Variants in FAR2 observed in about 807,000 individuals in gnomAD.
The protein encoded by FAR2 is epididymis secretory protein Li 81.
A neutral mutation model predicts 56.0 loss-of-function variants in FAR2; 19 were observed. The observed-to-expected ratio is 0.34, with a 90% CI of 0.24 to 0.50. The LOEUF (loss-of-function observed/expected upper bound fraction) is 0.50, where lower values mean the gene tolerates loss of function less well. Ranked by LOEUF, FAR2 falls within the 20% of genes least tolerant of loss-of-function variation. The probability of loss-of-function intolerance (pLI) is 0.98; values close to 1 mark genes in which losing one functional copy is unlikely to be tolerated. For synonymous variants in FAR2, 219 were observed against 218.8 expected (o/e 1.00, Z -0.01); for missense variants, 508 against 642.2 (o/e 0.79, Z 2.26).
intron 3 of FAR2, among the ~76,000 whole-genome samples, chr12:29,293,762 T>C (rs7966961): frequency 0.066 from 9,994 of 152,220 alleles, 1,026 homozygotes; most frequent in African/African-American, 0.22. Context: ...ATTATATTTT[T>C]TGATATCTAT....
intron 1 of FAR2, among the ~76,000 whole-genome samples, chr12:29,180,750 T>TATCC (rs1209323817): frequency 5.9e-5 from 9 of 151,996 alleles, no homozygotes; most frequent in Admixed American, 5.9e-4. Context: ...TCTATCTATC[T>TATCC]ATCTATCTAT....
At chr12:29,273,035 A>T (rs745637591) in intron 2 of FAR2, among the ~76,000 whole-genome samples, 2 of 151,960 alleles carry the variant, frequency 1.3e-5, no homozygotes, top group Non-Finnish European at 2.9e-5. Context: ...GGGACCTCTG[A>T]CCTCGAGGGG....
At chr12:29,215,732 A>G (rs184821076) in intron 1 of FAR2, among the ~76,000 whole-genome samples, 120 of 152,358 alleles carry the variant, frequency 7.9e-4, no homozygotes, top group African/African-American at 2.7e-3. Flanking sequence ...ACCAAGGCCT[A>G]TCTTAGACAC....
At chr12:29,246,157 C>T (rs762161497) in intron 1 of FAR2, among the ~76,000 whole-genome samples, 16 of 151,848 alleles carry the variant, frequency 1.1e-4, no homozygotes, top group Non-Finnish European at 2.2e-4. Context: ...TGAGATCTAA[C>T]CCTTTCATGC....
chr12:29,161,675 T>C (rs551022829), intron 1 of FAR2, among the ~76,000 whole-genome samples: 1 of 152,374 alleles, frequency 6.6e-6, no homozygotes, highest in East Asian at 1.9e-4. Context: ...GAAATTGCTT[T>C]ATGCAAAGAG....
chr12:29,210,036 T>G (rs1020273272), intron 1 of FAR2, among the ~76,000 whole-genome samples: 6 of 151,968 alleles, frequency 3.9e-5, no homozygotes, highest in African/African-American at 1.5e-4. Flanking sequence ...AGGAGACCTC[T>G]GTCTCTATAA....
At chr12:29,204,584 A>G (rs545705423) in intron 1 of FAR2, among the ~76,000 whole-genome samples, 1 of 152,274 alleles carries the variant, frequency 6.6e-6, no homozygotes, top group African/African-American at 2.4e-5. Flanking sequence ...TCTTAGTCCA[A>G]TCTTGCACTG....
At chr12:29,327,091 T>C (rs1360145156) in intron 10 of FAR2, among the ~76,000 whole-genome samples, 1 of 152,014 alleles carries the variant, frequency 6.6e-6, no homozygotes, top group Non-Finnish European at 1.5e-5. Flanking sequence ...AAATCACAAG[T>C]ATACCTATAC....
At chr12:29,266,794 A>C (rs1013491102) in intron 1 of FAR2, among the ~76,000 whole-genome samples, 4 of 152,118 alleles carry the variant, frequency 2.6e-5, no homozygotes, top group African/African-American at 4.8e-5. Context: ...TACCAGCAAA[A>C]ATGTAAACAC....
At chr12:29,269,762 C>A (rs1948582758) in intron 1 of FAR2, among the ~76,000 whole-genome samples, 1 of 152,240 alleles carries the variant, frequency 6.6e-6, no homozygotes, top group Non-Finnish European at 1.5e-5. Context: ...CTTCCCGCAA[C>A]AATTATTTAT....
intron 1 of FAR2, among the ~76,000 whole-genome samples, chr12:29,185,692 C>T (rs1439519009): frequency 6.6e-6 from 1 of 152,212 alleles, no homozygotes; most frequent in Non-Finnish European, 1.5e-5. Flanking sequence ...CTGCCTTTGA[C>T]ATGGGATAAT....
rs1489134888 is a variant in FAR2 at position 29,308,705 on chromosome 12, C to CATATATATATATATATATATATATAT, written c.724-480_724-479insTATATATATATATATATATATATATA. The stretch of plus-strand genomic sequence containing the variant: ...AGACACACAGACACACACACACACA[C>CATATATATATATATATATATATATAT]ACACACACACACACATATATATATA... On this transcript the variant is annotated intron_variant, in intron 5 of 11. Transcript: ENST00000536681. Among the ~76,000 whole-genome samples the CATATATATATATATATATATATATAT allele has an allele frequency of 3.8e-5, 5 of 132,602 alleles. No homozygotes were observed. In the East Asian group the frequency reaches 7.0e-4, roughly 18 times the overall value. 87.0% of individuals were successfully genotyped at this position (132,602 alleles called of 152,430 possible).
rs190723818 is a variant in FAR2, at chr12:29,260,562, G to A, written c.-38-9850G>A. 6.6e-4 allele frequency among the ~76,000 whole-genome samples: 101 copies of A among 152,270 alleles called. 1 individual carries two copies. Among genetic ancestry groups the A allele is most frequent in the Admixed American group, 5.2e-3 (79 of 15,290 alleles). ...GTGCTGGCTTCAGGTGTGACCCAGT[G>A]CATTTCTGGCTGTGACAGCTGTGGG... On this transcript the variant is annotated intron_variant, in intron 1 of 11. Coordinates refer to ENST00000536681, the MANE Select transcript of FAR2 (RefSeq NM_001271783.2).
At chr12:29,174,568 C>A (rs1565681543) in intron 1 of FAR2, among the ~76,000 whole-genome samples, 1 of 150,620 alleles carries the variant, frequency 6.6e-6, no homozygotes, top group Non-Finnish European at 1.5e-5. Flanking sequence ...CTACAGGGGC[C>A]CACCACCACG....
chr12:29,252,063 A>G (rs1370020210), intron 1 of FAR2, among the ~76,000 whole-genome samples: 1 of 152,148 alleles, frequency 6.6e-6, no homozygotes, highest in Non-Finnish European at 1.5e-5. Flanking sequence ...CTGCCACTGG[A>G]AACTTTGAGA....
At chr12:29,275,538 AC>A (rs1948695757) in intron 2 of FAR2, among the ~76,000 whole-genome samples, 1 of 152,132 alleles carries the variant, frequency 6.6e-6, no homozygotes. Context: ...GAATCGCCAC[AC>A]TGACTTCCAC....
At chr12:29,246,573 G>A (rs2136671064) in intron 1 of FAR2, among the ~76,000 whole-genome samples, 1 of 152,130 alleles carries the variant, frequency 6.6e-6, no homozygotes, top group South Asian at 2.1e-4. Flanking sequence ...TACAAAACAG[G>A]TCAATAATAA....
chr12:29,326,363 A>G (rs1487539406), intron 10 of FAR2, among the ~76,000 whole-genome samples: 1 of 152,218 alleles, frequency 6.6e-6, no homozygotes, highest in Non-Finnish European at 1.5e-5. Context: ...AACTATTCCA[A>G]TCAATAGAAA....
At position 29,334,045 on chromosome 12, in the gene FAR2, C is replaced by T. The variant is rs11050201; in HGVS notation, c.*251C>T. 0.015 allele frequency: 5,046 copies of T among 337,382 alleles called. 66 individuals carry two copies. Among genetic ancestry groups the T allele is most frequent in the Non-Finnish European group, 0.021 (3,967 of 186,270 alleles). The allele number at this position is 337,382 out of a possible 1,614,324, so 20.9% of individuals were successfully genotyped here. A position where few individuals can be genotyped will look rare whatever the true frequency, so the allele number is the denominator to read the frequency against. On this transcript the variant is annotated 3_prime_UTR_variant, in exon 12 of 12. Transcript: ENST00000536681. ...GTTTCCTAACATTCTATTTTATGCC[C>T]TTGCGTATTAAACGTGAAAGTACTC...
Sources: gnomAD v4.1 joint callset for allele counts (sites outside exome capture counted in the v4.1 genomes callset) on GRCh38, gnomAD v4.1.1 for gene constraint, MANE v1.5 for transcripts, NCBI Gene and HGNC (gene_info 2026-07-23, HGNC 2026-07-21) for gene names.